RNF170: variants seen among roughly 807,000 people sequenced by gnomAD.
RNF170 encodes the protein ring finger protein 170, also known as E3 ubiquitin-protein ligase RNF170.
In RNF170, 12 loss-of-function variants were observed where a neutral mutation model predicts 32.7. The observed-to-expected ratio is 0.37, with a 90% CI of 0.24 to 0.60. RNF170 has a LOEUF of 0.60. Among genes scored for constraint, RNF170 ranks in the 20% least tolerant of loss-of-function variants. The probability of loss-of-function intolerance (pLI) is 0.72; values close to 1 mark genes in which losing one functional copy is unlikely to be tolerated. For synonymous variants in RNF170, 91 were observed against 103.6 expected, an observed-to-expected ratio of 0.88 and a Z score of 0.74; for missense variants, 212 against 311.2, an observed-to-expected ratio of 0.68 and a Z score of 2.40.
At chr8:42,885,225 T>A (rs1180378016) in intron 2 of RNF170, among the ~76,000 whole-genome samples, 2 of 152,150 alleles carry the variant, frequency 1.3e-5, no homozygotes, top group African/African-American at 4.8e-5. Flanking sequence ...ATTTCCTTCC[T>A]TCTCAGGGGC....
intron 6 of RNF170, among the ~76,000 whole-genome samples, chr8:42,857,402 A>G (rs1803322811): frequency 6.6e-6 from 1 of 152,232 alleles, no homozygotes; most frequent in South Asian, 2.1e-4. Flanking sequence ...AGCTTTCACA[A>G]AGTTTATAGT....
downstream of RNF170, among the ~76,000 whole-genome samples, chr8:42,852,876 G>A (rs1802976898): frequency 6.6e-6 from 1 of 150,978 alleles, no homozygotes; most frequent in African/African-American, 2.4e-5. Flanking sequence ...GTTCACACCT[G>A]TAATCCCAGC....
intron 3 of RNF170, among the ~76,000 whole-genome samples, chr8:42,871,664 TG>T (rs988564381): frequency 1.4e-4 from 22 of 151,962 alleles, no homozygotes; most frequent in African/African-American, 5.3e-4. Context: ...CTCTGCCTCC[TG>T]GGTTCAAGTG....
At chr8:42,883,570 GAAAAAAAAAAAA>G (rs34475440) in intron 2 of RNF170, among the ~76,000 whole-genome samples, 4 of 43,736 alleles carry the variant, frequency 9.1e-5, no homozygotes, top group Admixed American at 3.2e-4. Context: ...CTCTGTCTCA[GAAAAAAAAAAAA>G]AAAAAAAAAA....
chr8:42,865,541 A>G (rs1395144724), intron 4 of RNF170, 52 bp from the exon 5 acceptor site: 17 of 1,200,882 alleles, frequency 1.4e-5, no homozygotes, highest in Non-Finnish European at 1.9e-5. Context: ...GATGTTTTAA[A>G]GTCCACATAT....
intron 6 of RNF170, 41 bp downstream of exon 6, chr8:42,861,704 G>GT: frequency 1.4e-6 from 2 of 1,433,218 alleles, no homozygotes; most frequent in South Asian, 2.3e-5. Flanking sequence ...GAGAAGAAAT[G>GT]TGTCTTCCTC....
chr8:42,896,627 G>A (rs1310967733), upstream of RNF170: 2 of 453,118 alleles, frequency 4.4e-6, no homozygotes, highest in East Asian at 1.4e-4. Context: ...CACGCGCACT[G>A]CCGAGCTTCC....
Position 42,853,393 on chromosome 8 carries a change from C to T in RNF170, c.*2766G>A, listed in dbSNP as rs1263017628. On this transcript the variant is annotated 3_prime_UTR_variant, in exon 7 of 7. Transcript: ENST00000527424. ...GAACCAAACCACCAGTCTTCTACAACAACTCTGTGAGGTAGGTATCTGCAT... is the reference window on the plus strand; with the variant it reads ...GAACCAAACCACCAGTCTTCTACAATAACTCTGTGAGGTAGGTATCTGCAT... The T allele has an allele frequency of 7.8e-6, 10 of 1,285,764 alleles. No homozygotes were observed. Among genetic ancestry groups the T allele is most frequent in the East Asian group, 5.6e-5 (1 of 18,010 alleles). 79.6% of individuals were successfully genotyped at this position (1,285,764 alleles called of 1,614,324 possible).
At chr8:42,850,867 C>A, downstream of RNF170, 1 of 1,551,632 alleles carries the variant, frequency 6.4e-7, no homozygotes, top group Non-Finnish European at 8.7e-7. Flanking sequence ...AGGGAGCATT[C>A]GGTCATGGGG....
chr8:42,892,314 C>T (rs1806369391), intron 1 of RNF170, among the ~76,000 whole-genome samples: 1 of 152,162 alleles, frequency 6.6e-6, no homozygotes, highest in African/African-American at 2.4e-5. Context: ...TACAGGTGTG[C>T]ACCACTAAGC....
Position 42,861,982 on chromosome 8 carries a change from C to T in RNF170, c.397-127G>A, listed in dbSNP as rs1803697701. ...TATTTCACTCATTTTTAAATAAAGG[C>T]AACCTGGGGGAGGGGAGTAAGTAAC... On this transcript the variant is annotated intron_variant, in intron 5 of 6. Coordinates refer to ENST00000527424, the MANE Select transcript of RNF170 (RefSeq NM_030954.4). 3.0e-6 allele frequency: 3 copies of T among 1,000,852 alleles called. No individual in the cohort carries two copies. The Admixed American group carries it at 9.3e-5, about 31-fold the overall frequency. 62.0% of individuals were successfully genotyped at this position (1,000,852 alleles called of 1,614,324 possible).
chr8:42,887,955 G>C (rs1300301609), intron 1 of RNF170, 84 bp from the exon 2 acceptor site: 1 of 1,262,152 alleles, frequency 7.9e-7, no homozygotes, highest in Non-Finnish European at 1.1e-6. Flanking sequence ...AAATATAACT[G>C]ACTTCTAATA....
At chr8:42,852,996 C>A (rs1802982581), downstream of RNF170, among the ~76,000 whole-genome samples, 1 of 147,866 alleles carries the variant, frequency 6.8e-6, no homozygotes, top group Non-Finnish European at 1.5e-5. Context: ...TGTGATGGCA[C>A]ACATCTATAG....
chr8:42,850,847 G>A (rs1290558573), downstream of RNF170: 6 of 1,551,632 alleles, frequency 3.9e-6, no homozygotes, highest in Admixed American at 2.0e-5. Flanking sequence ...CATAAACGTG[G>A]TGAGGCTGAA....
In RNF170 at chr8:42,855,076, A is replaced by T; in HGVS notation, c.*1083T>A. ...GAAGATTCACCTTCCTCAGAAATGCATCAGGCTACTCTGTGTTTGCAGCAT... is the reference window on the plus strand; with the variant it reads ...GAAGATTCACCTTCCTCAGAAATGCTTCAGGCTACTCTGTGTTTGCAGCAT... On this transcript the variant is annotated 3_prime_UTR_variant, in exon 7 of 7. Coordinates refer to ENST00000527424, the MANE Select transcript of RNF170 (RefSeq NM_030954.4). 7.8e-7 allele frequency: 1 copy of T among 1,287,256 alleles called. No homozygotes were observed. Among genetic ancestry groups the T allele is most frequent in the Non-Finnish European group, 1.0e-6 (1 of 988,696 alleles). The allele number at this position is 1,287,256 out of a possible 1,614,324, so 79.7% of individuals were successfully genotyped here.
chr8:42,869,690 T>A (rs1804381235), intron 4 of RNF170, among the ~76,000 whole-genome samples: 1 of 152,146 alleles, frequency 6.6e-6, no homozygotes, highest in Admixed American at 6.6e-5. Flanking sequence ...ACTCAGTGAA[T>A]CCCTCATGCT....
chr8:42,887,930 T>C (rs1487764638), intron 1 of RNF170, 59 bp from the exon 2 acceptor site: 4 of 1,466,136 alleles, frequency 2.7e-6, no homozygotes, highest in Non-Finnish European at 3.8e-6. Context: ...TGAAATATAC[T>C]AATAAAAGCA....
At chr8:42,873,813 A>G (rs1804702886) in intron 3 of RNF170, 118 bp downstream of exon 3, 1 of 695,066 alleles carries the variant, frequency 1.4e-6, no homozygotes, top group Non-Finnish European at 2.6e-6. Flanking sequence ...AATATAAGGT[A>G]ATTTGAAGCT....
intron 1 of RNF170, among the ~76,000 whole-genome samples, chr8:42,894,253 C>T (rs543441664): frequency 5.9e-5 from 9 of 152,302 alleles, no homozygotes; most frequent in African/African-American, 2.2e-4. Flanking sequence ...AAAAAGGAGA[C>T]TTTAGGTCCA....
Sources: allele counts gnomAD v4.1 joint callset (sites outside exome capture counted in the v4.1 genomes callset), GRCh38; gene constraint gnomAD v4.1.1; transcripts MANE v1.5; gene names NCBI Gene and HGNC (gene_info 2026-07-23, HGNC 2026-07-21).